The following CNTN5 variants were observed in gnomAD, a reference collection of about 807,000 sequenced individuals.
CNTN5 encodes the protein contactin-5.
A neutral mutation model predicts 129.1 loss-of-function variants in CNTN5; 77 were observed. That is an observed-to-expected ratio of 0.60 (90% confidence interval 0.50 to 0.72). The LOEUF is 0.72. Among genes scored for constraint, CNTN5 ranks in the 30% least tolerant of loss-of-function variants. The probability of loss-of-function intolerance (pLI) is 0.00; values close to 1 mark genes in which losing one functional copy is unlikely to be tolerated. For missense variants in CNTN5, 1,478 were observed against 1,328.8 expected (o/e 1.11, Z -1.75); for synonymous variants, 509 against 465.6 (o/e 1.09, Z -1.20).
rs754365267 is a variant in CNTN5, at chr11:99,570,945, T to G, written c.55+14676T>G. Among the ~76,000 whole-genome samples, 50 of 151,870 alleles carry G rather than the reference T, an allele frequency of 3.3e-4. 1 individual carries two copies. Among genetic ancestry groups the G allele is most frequent in the Non-Finnish European group, 1.0e-4 (7 of 67,962 alleles). ...TCAGGCAGGCAGGGAAAGACAAATG[T>G]CAAAACCCTCAAAAGGAAACAGATA... On this transcript the variant is annotated intron_variant, in intron 3 of 24. Coordinates refer to ENST00000524871, the MANE Select transcript of CNTN5 (RefSeq NM_014361.4).
At chr11:99,076,610 T>C (rs1414177239) in intron 1 of CNTN5, among the ~76,000 whole-genome samples, 1 of 152,082 alleles carries the variant, frequency 6.6e-6, no homozygotes, top group African/African-American at 2.4e-5. Context: ...AAAAAATAGA[T>C]TAAAAGTTAC....
At chr11:99,397,223 G>A (rs1941571739) in intron 2 of CNTN5, among the ~76,000 whole-genome samples, 1 of 151,660 alleles carries the variant, frequency 6.6e-6, no homozygotes, top group Non-Finnish European at 1.5e-5. Context: ...TAAGAGTAAG[G>A]GTTACAGATT....
chr11:99,217,381 A>G (rs1380772648), intron 1 of CNTN5, among the ~76,000 whole-genome samples: 2 of 152,206 alleles, frequency 1.3e-5, no homozygotes, highest in South Asian at 2.1e-4. Context: ...ATAATGAGAT[A>G]TCATCTCACC....
intron 9 of CNTN5, among the ~76,000 whole-genome samples, chr11:100,031,388 C>T (rs1448700301): frequency 6.6e-6 from 1 of 152,104 alleles, no homozygotes; most frequent in Non-Finnish European, 1.5e-5. Flanking sequence ...TTTCACATCA[C>T]CAAGATTCCT....
At chr11:100,026,151 C>T (rs969311560) in intron 9 of CNTN5, among the ~76,000 whole-genome samples, 8 of 152,046 alleles carry the variant, frequency 5.3e-5, no homozygotes, top group Non-Finnish European at 1.2e-4. Flanking sequence ...GGACCATTTC[C>T]TTCATGCCGT....
At chr11:99,227,153 G>T (rs926207573) in intron 1 of CNTN5, among the ~76,000 whole-genome samples, 1 of 152,000 alleles carries the variant, frequency 6.6e-6, no homozygotes, top group African/African-American at 2.4e-5. Flanking sequence ...GAGGTCAGGA[G>T]ATCAAGGCCA....
chr11:99,235,676 A>G (rs1861225454), intron 1 of CNTN5, among the ~76,000 whole-genome samples: 1 of 152,184 alleles, frequency 6.6e-6, no homozygotes, highest in South Asian at 2.1e-4. Flanking sequence ...AGATCTGAGA[A>G]TATTTTAAAA....
chr11:99,270,632 G>A (rs1207060464), intron 1 of CNTN5, among the ~76,000 whole-genome samples: 1 of 151,856 alleles, frequency 6.6e-6, no homozygotes, highest in Admixed American at 6.6e-5. Context: ...AGCACAAAAT[G>A]TTTTTCTATT....
intron 9 of CNTN5, among the ~76,000 whole-genome samples, chr11:100,053,678 T>C (rs767428259): frequency 6.6e-6 from 1 of 151,328 alleles, no homozygotes; most frequent in Non-Finnish European, 1.5e-5. Flanking sequence ...ACTTATACAG[T>C]TGAACATTTA....
At chr11:100,049,048 C>A (rs1363855991) in intron 9 of CNTN5, among the ~76,000 whole-genome samples, 1 of 151,940 alleles carries the variant, frequency 6.6e-6, no homozygotes, top group Non-Finnish European at 1.5e-5. Context: ...CAGGAGAAAA[C>A]ACCACAAGAA....
chr11:99,515,849 C>G (rs946815718), intron 2 of CNTN5, among the ~76,000 whole-genome samples: 2 of 151,224 alleles, frequency 1.3e-5, no homozygotes, highest in African/African-American at 2.4e-5. Context: ...TTGCTATTAT[C>G]TCATACAAAA....
At chr11:100,000,144 A>T (rs1939764808) in intron 8 of CNTN5, among the ~76,000 whole-genome samples, 1 of 152,006 alleles carries the variant, frequency 6.6e-6, no homozygotes, top group Non-Finnish European at 1.5e-5. Context: ...GTATCCTAAA[A>T]CTTAAAGTAT....
At chr11:99,269,275 T>C (rs184823195) in intron 1 of CNTN5, among the ~76,000 whole-genome samples, 1 of 152,060 alleles carries the variant, frequency 6.6e-6, no homozygotes, top group East Asian at 1.9e-4. Context: ...TCCTGTGTTA[T>C]ATTTATGTTA....
At chr11:99,295,994 G>C (rs181004364) in intron 1 of CNTN5, among the ~76,000 whole-genome samples, 3 of 152,074 alleles carry the variant, frequency 2.0e-5, no homozygotes, top group Admixed American at 2.0e-4. Context: ...AAAGCATAAG[G>C]TTATTCATTT....
At chr11:99,770,317 T>G (rs904926041) in intron 3 of CNTN5, among the ~76,000 whole-genome samples, 10 of 152,122 alleles carry the variant, frequency 6.6e-5, no homozygotes, top group Admixed American at 2.0e-4. Flanking sequence ...AGTCTCATTC[T>G]TATATCTGTT....
intron 3 of CNTN5, among the ~76,000 whole-genome samples, chr11:99,730,524 T>C (rs1037527803): frequency 8.5e-5 from 13 of 152,232 alleles, no homozygotes; most frequent in African/African-American, 3.1e-4. Context: ...AATCATTCAA[T>C]GAGTATTGGT....
intron 16 of CNTN5, among the ~76,000 whole-genome samples, chr11:100,247,904 T>C (rs1235155941): frequency 6.6e-6 from 1 of 152,170 alleles, no homozygotes; most frequent in Non-Finnish European, 1.5e-5. Flanking sequence ...ATGATAAAAA[T>C]AAGAATTAGT....
At chr11:99,464,922 T>A (rs1020516290) in intron 2 of CNTN5, among the ~76,000 whole-genome samples, 2 of 152,230 alleles carry the variant, frequency 1.3e-5, no homozygotes, top group African/African-American at 2.4e-5. Context: ...TATTTTATTA[T>A]CATAAATTAG....
intron 1 of CNTN5, among the ~76,000 whole-genome samples, chr11:99,105,009 T>C (rs1235243322): frequency 1.3e-5 from 2 of 152,280 alleles, no homozygotes; most frequent in African/African-American, 4.8e-5. Flanking sequence ...ATATAAGTGA[T>C]ATTGCTGCTG....
Sources: allele counts gnomAD v4.1 joint callset (sites outside exome capture counted in the v4.1 genomes callset), GRCh38; gene constraint gnomAD v4.1.1; transcripts MANE v1.5; gene names NCBI Gene and HGNC (gene_info 2026-07-23, HGNC 2026-07-21).